Variants in ABCD2 observed in about 807,000 individuals in gnomAD.
ABCD2 encodes the protein ATP-binding cassette sub-family D member 2.
In ABCD2, 36 loss-of-function variants were observed where a neutral mutation model predicts 70.9. The observed-to-expected ratio is 0.51, with a 90% CI of 0.39 to 0.67. ABCD2 has a LOEUF of 0.67. ABCD2 is among the 30% of genes least tolerant of loss of function. The pLI is 0.00. For synonymous variants in ABCD2, 304 were observed against 306.9 expected, an observed-to-expected ratio of 0.99 and a Z score of 0.10; for missense variants, 729 against 890.2, an observed-to-expected ratio of 0.82 and a Z score of 2.30.
chr12:39,576,835 C>T (rs1941524372), intron 8 of ABCD2, among the ~76,000 whole-genome samples: 1 of 152,026 alleles, frequency 6.6e-6, no homozygotes, highest in Admixed American at 6.6e-5. Flanking sequence ...GTATTGGTTA[C>T]ATAATGTAGA....
chr12:39,586,002 A>G, intron 7 of ABCD2, 150 bp downstream of exon 7: 1 of 659,366 alleles, frequency 1.5e-6, no homozygotes. Flanking sequence ...AAATGTAAAT[A>G]ATGGAACAGC....
At chr12:39,535,660 C>T in the ABCD2 span, among the ~76,000 whole-genome samples, 1 of 152,066 alleles carries the variant, frequency 6.6e-6, no homozygotes, top group Admixed American at 6.6e-5. Flanking sequence ...TTTGTCTGTA[C>T]TTAGATATCC....
chr12:39,546,821 A>G (rs1941030147), downstream of ABCD2, among the ~76,000 whole-genome samples: 1 of 152,112 alleles, frequency 6.6e-6, no homozygotes, highest in Non-Finnish European at 1.5e-5. Flanking sequence ...GGGTAAGGGC[A>G]TTGTTGGCTG....
chr12:39,616,128 T>G (rs563070126), intron 2 of ABCD2, among the ~76,000 whole-genome samples: 21 of 152,268 alleles, frequency 1.4e-4, no homozygotes, highest in African/African-American at 4.8e-4. Context: ...AAAACTCTGT[T>G]TCACTACAAA....
At chr12:39,541,645 A>AATGG in the ABCD2 span, among the ~76,000 whole-genome samples, 12 of 152,248 alleles carry the variant, frequency 7.9e-5, no homozygotes, top group Admixed American at 7.2e-4. Flanking sequence ...CTGCGACTGG[A>AATGG]ATGGATGGGC....
chr12:39,575,337 C>G (rs1384908907), intron 8 of ABCD2, among the ~76,000 whole-genome samples: 1 of 152,046 alleles, frequency 6.6e-6, no homozygotes, highest in Non-Finnish European at 1.5e-5. Flanking sequence ...GTTTTAGTTT[C>G]CTTGGCAGGG....
At chr12:39,564,947 C>T (rs1349168736) in intron 9 of ABCD2, among the ~76,000 whole-genome samples, 17 of 152,062 alleles carry the variant, frequency 1.1e-4, no homozygotes, top group East Asian at 1.9e-4. Flanking sequence ...TGTAGATATG[C>T]GGCATTATTT....
chr12:39,573,276 G>T (rs1217953183), intron 9 of ABCD2, among the ~76,000 whole-genome samples: 2 of 151,864 alleles, frequency 1.3e-5, no homozygotes, highest in Non-Finnish European at 2.9e-5. Context: ...CTAAAAATAA[G>T]CCCTCCCCCC....
chr12:39,581,352 G>T (rs1425134789), intron 7 of ABCD2, among the ~76,000 whole-genome samples: 2 of 152,172 alleles, frequency 1.3e-5, no homozygotes, highest in Middle Eastern at 3.4e-3. Flanking sequence ...AGACTTTCCC[G>T]ATTTCCCAGT....
At chr12:39,604,211 G>C (rs1396505397) in intron 4 of ABCD2, among the ~76,000 whole-genome samples, 1 of 151,920 alleles carries the variant, frequency 6.6e-6, no homozygotes, top group South Asian at 2.1e-4. Context: ...ACATCTACTT[G>C]AAAAATCTTT....
chr12:39,565,427 G>A (rs547754183), intron 9 of ABCD2, among the ~76,000 whole-genome samples: 1 of 152,206 alleles, frequency 6.6e-6, no homozygotes, highest in South Asian at 2.1e-4. Context: ...TTGGCTCTCT[G>A]TTTGTCTGTT....
intron 5 of ABCD2, among the ~76,000 whole-genome samples, chr12:39,601,745 G>A (rs1377585225): frequency 6.6e-6 from 1 of 152,010 alleles, no homozygotes; most frequent in African/African-American, 2.4e-5. Flanking sequence ...CATCATACTG[G>A]ACCTCAAAGA....
Position 39,619,557 on chromosome 12 carries a change from G to T in ABCD2, c.59C>A (p.Ala20Asp). The T allele has an allele frequency of 6.2e-7, 1 of 1,611,286 alleles. No individual in the cohort carries two copies. Residue 20 changes from alanine (A) to aspartate (D), a missense_variant, in exon 1 of 10, where the codon GCT (alanine) becomes GAT (aspartate). Coordinates refer to ENST00000308666, the MANE Select transcript of ABCD2 (RefSeq NM_005164.4). Reference protein sequence around the residue: ...DRVKWTRSSAAKRAACLVAAA... With the variant: ...DRVKWTRSSADKRAACLVAAA... Reference sequence around the variant, plus strand: ...AGCCACCAGGCAGGCAGCCCTCTTAGCAGCACTCGATCTGGTCCATTTCAC... The same window carrying T: ...AGCCACCAGGCAGGCAGCCCTCTTATCAGCACTCGATCTGGTCCATTTCAC...
intron 2 of ABCD2, among the ~76,000 whole-genome samples, chr12:39,608,383 G>A (rs570879983): frequency 4.4e-4 from 67 of 152,006 alleles, no homozygotes; most frequent in African/African-American, 1.5e-3. Context: ...CCTTAGGAGG[G>A]AGCAATAATG....
At chr12:39,534,641 G>A in the ABCD2 span, among the ~76,000 whole-genome samples, 36 of 144,300 alleles carry the variant, frequency 2.5e-4, no homozygotes, top group South Asian at 1.1e-3. Context: ...GGGAGACCCA[G>A]AAAGAAAGAA....
At chr12:39,548,836 T>C (rs939531228), downstream of ABCD2, among the ~76,000 whole-genome samples, 1 of 151,974 alleles carries the variant, frequency 6.6e-6, no homozygotes, top group African/African-American at 2.4e-5. Context: ...TTAGGTATAA[T>C]ATTAAATCAC....
At chr12:39,563,092 C>T (rs1941285094) in intron 9 of ABCD2, among the ~76,000 whole-genome samples, 1 of 152,132 alleles carries the variant, frequency 6.6e-6, no homozygotes. Flanking sequence ...ACAGAACAAG[C>T]ATTTGATAAA....
At position 39,617,111 on chromosome 12, in the gene ABCD2, T is replaced by G. The variant is rs933140507; in HGVS notation, c.997A>C (p.Ile333Leu). ...ATGTACCACAAACGTTTGGATAAAA[T>G]GAGGTTCATCTGATCTGCTAAAGCT... ...YKALADQMNL[I>L]LSKRLWYIMI... Residue 333 changes from isoleucine to leucine, a missense_variant, in exon 2 of 10, where the codon ATT becomes CTT. Physicochemically the swap from Ile to Leu is conservative, Grantham distance 5. Transcript: ENST00000308666. 6.2e-7 allele frequency: 1 copy of G among 1,612,474 alleles called. No homozygotes were observed. Among genetic ancestry groups the G allele is most frequent in the Non-Finnish European group, 8.5e-7 (1 of 1,179,234 alleles).
intron 7 of ABCD2, among the ~76,000 whole-genome samples, chr12:39,581,504 A>AC (rs1941595317): frequency 2.0e-5 from 3 of 152,186 alleles, no homozygotes; most frequent in African/African-American, 7.2e-5. Flanking sequence ...AAATAATCTT[A>AC]AAATACCATC....
Sources: gnomAD v4.1 joint callset for allele counts (sites outside exome capture counted in the v4.1 genomes callset) on GRCh38, gnomAD v4.1.1 for gene constraint, MANE v1.5 for transcripts, NCBI Gene and HGNC (gene_info 2026-07-23, HGNC 2026-07-21) for gene names.